The following NRG1 variants were observed in gnomAD, a reference collection of about 807,000 sequenced individuals.
NRG1 encodes the protein neuregulin 1, also known as pro-neuregulin-1, membrane-bound isoform.
NRG1 carries 18 observed loss-of-function variants against 63.8 expected under a neutral mutation model. The ratio of observed to expected loss-of-function variants is 0.28; its 90% CI spans 0.19 to 0.42. The LOEUF is 0.42. NRG1 is among the 10% of genes least tolerant of loss of function. The pLI, the probability that NRG1 is intolerant of heterozygous loss-of-function variation, is 1.00. For synonymous variants in NRG1, 302 were observed against 301.3 expected, an observed-to-expected ratio of 1.00 and a Z score of -0.02; for missense variants, 762 against 814.7, an observed-to-expected ratio of 0.94 and a Z score of 0.79.
At chr8:32,105,664 T>A (rs1831171042) in intron 1 of NRG1, among the ~76,000 whole-genome samples, 1 of 148,944 alleles carries the variant, frequency 6.7e-6, no homozygotes, top group Non-Finnish European at 1.5e-5. Context: ...TCTTATGATC[T>A]ATAAAATGGC....
At chr8:32,294,436 G>A (rs1011327919) in intron 1 of NRG1, among the ~76,000 whole-genome samples, 5 of 151,982 alleles carry the variant, frequency 3.3e-5, no homozygotes, top group African/African-American at 1.2e-4. Flanking sequence ...TCTCTCCAAC[G>A]GTCCTAAAAT....
intron 7 of NRG1, among the ~76,000 whole-genome samples, chr8:32,752,959 C>A (rs1488397315): frequency 6.6e-6 from 1 of 152,104 alleles, no homozygotes; most frequent in Non-Finnish European, 1.5e-5. Flanking sequence ...TCCACTGTAT[C>A]CTAGAAATTA....
intron 1 of NRG1, among the ~76,000 whole-genome samples, chr8:31,645,915 A>G (rs922760844): frequency 6.6e-6 from 1 of 152,100 alleles, no homozygotes; most frequent in Non-Finnish European, 1.5e-5. Flanking sequence ...TATTTCCCCT[A>G]TGAAGATACT....
intron 1 of NRG1, among the ~76,000 whole-genome samples, chr8:32,312,567 G>A (rs1405824188): frequency 1.3e-5 from 2 of 151,916 alleles, no homozygotes; most frequent in Non-Finnish European, 2.9e-5. Flanking sequence ...TACCACAAGG[G>A]AGGTGAGGTT....
At chr8:31,720,525 T>C (rs1449838079) in intron 1 of NRG1, among the ~76,000 whole-genome samples, 1 of 152,208 alleles carries the variant, frequency 6.6e-6, no homozygotes, top group Non-Finnish European at 1.5e-5. Context: ...GTATGTGTTG[T>C]TCCCACCACG....
chr8:32,086,438 C>A (rs1401597493), intron 1 of NRG1, among the ~76,000 whole-genome samples: 1 of 152,060 alleles, frequency 6.6e-6, no homozygotes, highest in Non-Finnish European at 1.5e-5. Context: ...GAAGAATATT[C>A]AGCAACTTGC....
At chr8:32,341,032 T>C (rs1416404837) in intron 1 of NRG1, among the ~76,000 whole-genome samples, 1 of 152,234 alleles carries the variant, frequency 6.6e-6, no homozygotes, top group African/African-American at 2.4e-5. Context: ...GAGAGATGTA[T>C]TGTTATTGAC....
chr8:32,006,725 A>G (rs1813836544), intron 1 of NRG1, among the ~76,000 whole-genome samples: 1 of 151,966 alleles, frequency 6.6e-6, no homozygotes, highest in African/African-American at 2.4e-5. Flanking sequence ...TAGAGCCACA[A>G]AGAACTGGAT....
intron 5 of NRG1, among the ~76,000 whole-genome samples, chr8:32,725,210 G>C (rs145460386): frequency 1.3e-5 from 2 of 152,242 alleles, no homozygotes; most frequent in East Asian, 3.9e-4. Context: ...GAGAGCTCAT[G>C]CAGTGTTTGC....
At chr8:32,159,387 A>T (rs1838555387) in intron 1 of NRG1, among the ~76,000 whole-genome samples, 1 of 147,838 alleles carries the variant, frequency 6.8e-6, no homozygotes, top group African/African-American at 2.5e-5. Flanking sequence ...ACAAAAAATT[A>T]GCCGGGCGCG....
chr8:32,527,659 A>C (rs1478324051), intron 1 of NRG1, among the ~76,000 whole-genome samples: 1 of 152,186 alleles, frequency 6.6e-6, no homozygotes, highest in East Asian at 1.9e-4. Context: ...TAAAAGCTAA[A>C]AAATGAAAAC....
chr8:31,917,624 G>T (rs1217717887), intron 1 of NRG1, among the ~76,000 whole-genome samples: 4 of 152,178 alleles, frequency 2.6e-5, no homozygotes, highest in East Asian at 1.9e-4. Flanking sequence ...TAGTATAGTT[G>T]GAAGTCAGGT....
At chr8:31,859,112 G>A (rs1188219868) in intron 1 of NRG1, among the ~76,000 whole-genome samples, 1 of 152,144 alleles carries the variant, frequency 6.6e-6, no homozygotes, top group African/African-American at 2.4e-5. Context: ...GTTATAAAAT[G>A]ATTTAAAATT....
intron 1 of NRG1, among the ~76,000 whole-genome samples, chr8:32,492,138 A>C (rs9694163): frequency 0.63 from 96,168 of 151,590 alleles, 30,763 homozygotes; most frequent in East Asian, 0.78. Context: ...AAAAAAAAAA[A>C]CATTTTTTTC....
intron 1 of NRG1, among the ~76,000 whole-genome samples, chr8:32,337,164 C>T (rs1489700809): frequency 6.6e-6 from 1 of 152,048 alleles, no homozygotes; most frequent in Non-Finnish European, 1.5e-5. Flanking sequence ...GAGTACACAC[C>T]ATGCCCAGCT....
chr8:32,263,279 C>A (rs972018926), intron 1 of NRG1, among the ~76,000 whole-genome samples: 29 of 152,250 alleles, frequency 1.9e-4, no homozygotes, highest in Middle Eastern at 3.4e-3. Flanking sequence ...GGAAACTAAC[C>A]AAGGTTACAC....
At chr8:32,243,723 C>T (rs866674844) in intron 1 of NRG1, among the ~76,000 whole-genome samples, 9 of 151,998 alleles carry the variant, frequency 5.9e-5, no homozygotes, top group Non-Finnish European at 1.0e-4. Flanking sequence ...TCTACTGTGA[C>T]GGTGTTTGAG....
chr8:32,281,077 G>A (rs1375550885), intron 1 of NRG1, among the ~76,000 whole-genome samples: 2 of 151,568 alleles, frequency 1.3e-5, no homozygotes, highest in African/African-American at 4.8e-5. Flanking sequence ...GATGGCACAT[G>A]TGCAGGTTTG....
At chr8:31,926,121 G>A (rs1225860438) in intron 1 of NRG1, among the ~76,000 whole-genome samples, 1 of 152,180 alleles carries the variant, frequency 6.6e-6, no homozygotes, top group African/African-American at 2.4e-5. Context: ...CCAGCTTGAT[G>A]CAGTTAGAAA....
Sources: gnomAD v4.1 joint callset for allele counts (sites outside exome capture counted in the v4.1 genomes callset) on GRCh38, gnomAD v4.1.1 for gene constraint, MANE v1.5 for transcripts, NCBI Gene and HGNC (gene_info 2026-07-23, HGNC 2026-07-21) for gene names.